Variants in BACH2 observed in about 807,000 individuals in gnomAD.
BACH2 encodes the protein BACH transcriptional regulator 2, also known as transcription regulator protein BACH2.
A neutral mutation model predicts 61.8 loss-of-function variants in BACH2; 5 were observed. The ratio of observed to expected loss-of-function variants is 0.08; its 90% confidence interval spans 0.04 to 0.17. The LOEUF (loss-of-function observed/expected upper bound fraction) is 0.17. BACH2 is among the 10% of genes least tolerant of loss of function. The probability of loss-of-function intolerance (pLI) is 1.00; values close to 1 mark genes in which losing one functional copy is unlikely to be tolerated. For synonymous variants in BACH2, 446 were observed against 440.1 expected (o/e 1.01, Z -0.17); for missense variants, 824 against 1,091.1 (o/e 0.76, Z 3.45).
At chr6:90,112,587 A>G (rs1221885419) in intron 4 of BACH2, among the ~76,000 whole-genome samples, 1 of 152,228 alleles carries the variant, frequency 6.6e-6, no homozygotes, top group East Asian at 1.9e-4. Flanking sequence ...CTGCCTTACA[A>G]GAGATCTTGA....
At chr6:89,946,117 G>A (rs1773705699) in intron 7 of BACH2, among the ~76,000 whole-genome samples, 1 of 152,060 alleles carries the variant, frequency 6.6e-6, no homozygotes, top group Non-Finnish European at 1.5e-5. Flanking sequence ...TATGAGAAAG[G>A]GTTAATATTC....
At chr6:90,121,151 C>G (rs1783606729) in intron 4 of BACH2, among the ~76,000 whole-genome samples, 1 of 152,182 alleles carries the variant, frequency 6.6e-6, no homozygotes, top group African/African-American at 2.4e-5. Flanking sequence ...ACATGAAGTT[C>G]CAATCAGCAG....
intron 1 of BACH2, among the ~76,000 whole-genome samples, chr6:90,280,349 T>C (rs946976881): frequency 4.6e-5 from 7 of 152,210 alleles, no homozygotes; most frequent in African/African-American, 9.6e-5. Context: ...TTAATTCTTA[T>C]AGGTGCCCAA....
At position 89,951,009 on chromosome 6, in the gene BACH2, C is replaced by T; in HGVS notation, c.1097G>A (p.Arg366Lys). The stretch of plus-strand genomic sequence containing the variant: ...CTTGTCAAAAGGGCAGGCTGGACTC[C>T]TGGCAAAGTGCTGCTGAGATGTACT... Reference protein sequence around the residue: ...LPSTSQQHFARSPACPFDKGI... With the variant: ...LPSTSQQHFAKSPACPFDKGI... The change falls in exon 7 of 9, where the codon AGG (arginine) becomes AAG (lysine). Residue 366 changes from arginine (R) to lysine (K), a missense_variant. Transcript: ENST00000257749. The surrounding 1 kb of genome is among the most constrained non-coding windows in gnomAD (Gnocchi z 6.4). 3.8e-6 allele frequency: 6 copies of T among 1,591,094 alleles called. No homozygotes were observed. Among genetic ancestry groups the T allele is most frequent in the Non-Finnish European group, 5.1e-6 (6 of 1,169,346 alleles).
intron 5 of BACH2, among the ~76,000 whole-genome samples, chr6:90,084,950 G>A (rs78123350): frequency 0.014 from 2,062 of 152,124 alleles, 37 homozygotes; most frequent in African/African-American, 0.047. Flanking sequence ...TAGTGAAGAC[G>A]ACCTGAATAA....
chr6:90,044,036 T>C (rs984229493), intron 5 of BACH2, among the ~76,000 whole-genome samples: 4 of 152,156 alleles, frequency 2.6e-5, no homozygotes, highest in Admixed American at 6.5e-5. Flanking sequence ...GTATAACACA[T>C]GATGCCATGT....
chr6:90,159,972 A>T (rs1219022759), intron 4 of BACH2, among the ~76,000 whole-genome samples: 1 of 152,206 alleles, frequency 6.6e-6, no homozygotes, highest in Non-Finnish European at 1.5e-5. Context: ...TTTTTCAACG[A>T]GCTTTCAAAG....
chr6:89,992,626 G>C (rs1383459866), intron 6 of BACH2, among the ~76,000 whole-genome samples: 1 of 152,052 alleles, frequency 6.6e-6, no homozygotes, highest in African/African-American at 2.4e-5. Flanking sequence ...TGGGCAACAA[G>C]AGCAAAACTC....
At chr6:90,092,280 T>TAAAAAAAAAAA (rs200675044) in intron 4 of BACH2, among the ~76,000 whole-genome samples, 93 of 76,838 alleles carry the variant, frequency 1.2e-3, no homozygotes, top group East Asian at 5.9e-3. Context: ...ACTGTCAAAG[T>TAAAAAAAAAAA]AAAAAAAAAA....
intron 8 of BACH2, among the ~76,000 whole-genome samples, chr6:89,936,635 T>C (rs374199355): frequency 5.2e-4 from 79 of 152,276 alleles, no homozygotes; most frequent in African/African-American, 1.7e-3. Context: ...ACTAAGAAGC[T>C]TGGACTTTCT....
In BACH2 at chr6:90,177,364, C is replaced by T. The variant is rs1031409961; in HGVS notation, c.-162+29205G>A. Among the ~76,000 whole-genome samples the T allele has an allele frequency of 2.6e-4, 39 of 152,146 alleles. 1 individual carries two copies. The highest frequency in any genetic ancestry group is 2.4e-3 in the Admixed American group (36 of 15,274). On this transcript the variant is annotated intron_variant, in intron 4 of 8. Transcript: ENST00000257749. ...CATAAAAAAACTATCATCTATTGAG[C>T]ACCTACCGTACAGCAGATCCCATAC...
chr6:90,026,406 T>C (rs1387699214), intron 5 of BACH2, among the ~76,000 whole-genome samples: 1 of 152,230 alleles, frequency 6.6e-6, no homozygotes, highest in Non-Finnish European at 1.5e-5. Context: ...GTGACAATGC[T>C]GGGCTTGAGT....
intron 6 of BACH2, among the ~76,000 whole-genome samples, chr6:89,998,163 C>T (rs1331809399): frequency 9.8e-6 from 1 of 102,256 alleles, no homozygotes; most frequent in African/African-American, 2.9e-5. Flanking sequence ...TGGCTAAATC[C>T]CAGCATTTTT....
chr6:90,233,079 G>C (rs1323080081), intron 3 of BACH2, among the ~76,000 whole-genome samples: 1 of 152,174 alleles, frequency 6.6e-6, no homozygotes, highest in African/African-American at 2.4e-5. Flanking sequence ...TCAGTTCACA[G>C]AGAAGCTGAA....
chr6:89,965,664 T>C (rs1040638114), intron 6 of BACH2, among the ~76,000 whole-genome samples: 3 of 152,236 alleles, frequency 2.0e-5, no homozygotes, highest in Admixed American at 2.0e-4. Context: ...ATCCATCACA[T>C]ATTTGAAGAC....
At chr6:90,286,387 C>T (rs1227916223) in intron 1 of BACH2, among the ~76,000 whole-genome samples, 1 of 152,182 alleles carries the variant, frequency 6.6e-6, no homozygotes, top group East Asian at 1.9e-4. Context: ...TATGTTCTCT[C>T]GTTTTATACG....
intron 4 of BACH2, among the ~76,000 whole-genome samples, chr6:90,168,729 T>A (rs1767713018): frequency 6.6e-6 from 1 of 152,128 alleles, no homozygotes; most frequent in African/African-American, 2.4e-5. Context: ...AAAACACACA[T>A]AAATGAAAAC....
At chr6:90,063,275 G>A (rs549762102) in intron 5 of BACH2, among the ~76,000 whole-genome samples, 20 of 152,230 alleles carry the variant, frequency 1.3e-4, no homozygotes, top group African/African-American at 4.6e-4. Flanking sequence ...CTATGGGGGT[G>A]TGTGTGTGAC....
chr6:90,245,320 G>A (rs1008826815), intron 3 of BACH2, among the ~76,000 whole-genome samples: 4 of 152,184 alleles, frequency 2.6e-5, no homozygotes, highest in Non-Finnish European at 5.9e-5. Flanking sequence ...ACCAGGCTCA[G>A]TGGCTCACAC....
Sources: allele counts gnomAD v4.1 joint callset (sites outside exome capture counted in the v4.1 genomes callset), GRCh38; gene constraint gnomAD v4.1.1; non-coding constraint Gnocchi (gnomAD v3.1); transcripts MANE v1.5; gene names NCBI Gene and HGNC (gene_info 2026-07-23, HGNC 2026-07-21).